The following DPAGT1 variants were observed in gnomAD, a reference collection of about 807,000 sequenced individuals.
DPAGT1 encodes the protein dolichyl-phosphate N-acetylglucosaminephosphotransferase 1.
A neutral mutation model predicts 39.3 loss-of-function variants in DPAGT1; 25 were observed. The observed-to-expected ratio is 0.64, with a 90% CI of 0.46 to 0.89. DPAGT1 has a LOEUF of 0.89. Among genes scored for constraint, DPAGT1 ranks in the 40% least tolerant of loss-of-function variants. The pLI is 0.00. For missense variants in DPAGT1, 381 were observed against 500.6 expected (o/e 0.76, Z 2.28); for synonymous variants, 193 against 201.4 (o/e 0.96, Z 0.36).
rs138544311 is a variant in DPAGT1, at chr11:119,097,475, A to C, written c.994T>G (p.Phe332Val). The C allele has an allele frequency of 1.9e-3, 3,133 of 1,614,186 alleles. 2 individuals carry two copies. Among genetic ancestry groups the C allele is most frequent in the Admixed American group, 2.5e-3 (153 of 60,024 alleles). The change falls in exon 7 of 9, where the codon TTT becomes GTT. Residue 332 changes from phenylalanine to valine, a missense_variant. By Grantham distance (50) the Phe-to-Val change is conservative. Transcript: ENST00000354202. This position sits in a 1 kb window ranked among gnomAD's most constrained non-coding sequence, Gnocchi z 4.6. ...KTKSLSFLGTFILKVAESLQL... is the reference protein window; with the variant it reads ...KTKSLSFLGTVILKVAESLQL... The stretch of plus-strand genomic sequence containing the variant: ...TGTTACCCTGTTACCTTTAAAATAA[A>C]GGTGCCCAAGAAAGAGAGGCTCTTG...
chr11:119,095,299 G>A (rs1390510899), downstream of DPAGT1: 2 of 1,612,314 alleles, frequency 1.2e-6, no homozygotes, highest in South Asian at 2.2e-5. Flanking sequence ...GCAGCAGCCG[G>A]TGTACACGGC....
At chr11:119,100,497 A>T in intron 3 of DPAGT1, 89 bp from the exon 4 acceptor site, 3 of 1,603,680 alleles carry the variant, frequency 1.9e-6, no homozygotes, top group Admixed American at 1.7e-5. Context: ...GACGGACGAT[A>T]GGATGAAGGG....
In DPAGT1 at chr11:119,097,253, A is replaced by G; in HGVS notation, c.1050T>C (p.Thr350=). 3 of 1,614,210 alleles carry G rather than the reference A, an allele frequency of 1.9e-6. No homozygotes were observed. Among genetic ancestry groups the G allele is most frequent in the Non-Finnish European group, 2.5e-6 (3 of 1,180,038 alleles). Residue 350 remains threonine (T), a synonymous_variant, in exon 8 of 9, where the codon ACT becomes ACC. Transcript: ENST00000354202. The surrounding 1 kb of genome is among the most constrained non-coding windows in gnomAD (Gnocchi z 4.6). The part of the protein sequence containing the change: ...LQLVTVHQSE[T]EDGEFTECNN... ...TACATTCAGTGAATTCACCATCTTC[A>G]GTCTCACTCTGGTGTACTGTCACCA...
Position 119,100,369 on chromosome 11 carries a change from A to C in DPAGT1, c.536T>G (p.Phe179Cys). 1 of 1,614,216 alleles carries C rather than the reference A, an allele frequency of 6.2e-7. No individual in the cohort carries two copies. Among genetic ancestry groups the C allele is most frequent in the Non-Finnish European group, 8.5e-7 (1 of 1,180,044 alleles). ...YYVYMGLLAV[F>C]CTNAINILAG... ...TAGGATATTGATGGCATTGGTACAG[A>C]ACACTGCCAGCAGCCCCATGTAGAC... is the stretch of plus-strand genomic sequence containing the variant. The change falls in exon 4 of 9, where the codon TTC becomes TGC. Residue 179 changes from phenylalanine (F) to cysteine (C), a missense_variant. Phe to Cys is a radical substitution (Grantham distance 205). Transcript: ENST00000354202.
intron 4 of DPAGT1, 83 bp downstream of exon 4, chr11:119,100,179 T>C: frequency 6.2e-7 from 1 of 1,601,624 alleles, no homozygotes; most frequent in Non-Finnish European, 8.5e-7. Context: ...TATTGCTTTT[T>C]TCCCCTGAAT....
At position 119,101,634 on chromosome 11, in the gene DPAGT1, G is replaced by A; in HGVS notation, c.22C>T (p.Pro8Ser). The A allele has an allele frequency of 6.2e-7, 1 of 1,614,272 alleles. No homozygotes were observed. The highest frequency in any genetic ancestry group is 8.5e-7 in the Non-Finnish European group (1 of 1,180,050). ...ATCAAATTGATCAGCAGCGGCATGG[G>A]CAATTCCGAGAAGGCCCACATGGTG... MWAFSEL[P>S]MPLLINLIVS... Residue 8 changes from proline (P) to serine (S), a missense_variant, in exon 1 of 9, where the codon CCC (proline) becomes TCC (serine). Transcript: ENST00000354202.
At chr11:119,095,652 G>T (rs191021870), downstream of DPAGT1, among the ~76,000 whole-genome samples, 1 of 152,320 alleles carries the variant, frequency 6.6e-6, no homozygotes, top group East Asian at 1.9e-4. Flanking sequence ...GGGGAGAAAA[G>T]GCGAGGAGGA....
Position 119,096,853 on chromosome 11 carries a change from G to T in DPAGT1, c.*145C>A. ...CGCCCAGGATGCCAATGATCACAGA[G>T]AAAGGAAAATGCTGAGAACAAAATC... is the stretch of plus-strand genomic sequence containing the variant. On this transcript the variant is annotated 3_prime_UTR_variant, in exon 9 of 9. Transcript: ENST00000354202. The T allele has an allele frequency of 1.0e-6, 1 of 988,586 alleles. No homozygotes were observed. The highest frequency in any genetic ancestry group is 1.6e-5 in the African/African-American group (1 of 61,856). 61.2% of individuals were successfully genotyped at this position (988,586 alleles called of 1,614,324 possible).
chr11:119,098,362 T>C (rs770733629), intron 5 of DPAGT1, 41 bp downstream of exon 5: 14 of 1,592,750 alleles, frequency 8.8e-6, no homozygotes, highest in Non-Finnish European at 1.2e-5. Flanking sequence ...ATCTTTGCCA[T>C]GTGTTCAGGT....
intron 1 of DPAGT1, 157 bp downstream of exon 1, chr11:119,101,338 A>G (rs1946501905): frequency 2.0e-6 from 3 of 1,475,088 alleles, no homozygotes; most frequent in African/African-American, 1.4e-5. Flanking sequence ...CCTTTCCCCA[A>G]TGCGAGTAAG....
chr11:119,101,188 T>C, intron 1 of DPAGT1, 50 bp from the exon 2 acceptor site: 1 of 1,611,950 alleles, frequency 6.2e-7, no homozygotes, highest in Admixed American at 1.7e-5. Flanking sequence ...GGGGGCGTGG[T>C]CACTCACTAG....
intron 4 of DPAGT1, among the ~76,000 whole-genome samples, chr11:119,099,660 A>C (rs1946458431): frequency 6.6e-6 from 1 of 151,624 alleles, no homozygotes; most frequent in Middle Eastern, 3.4e-3. Context: ...GTGGTGGCAC[A>C]TGCCTGTAGC....
At chr11:119,094,655 GC>G (rs1398944414), downstream of DPAGT1, 1 of 235,888 alleles carries the variant, frequency 4.2e-6, no homozygotes, top group East Asian at 8.3e-5. Context: ...GGTCTTCCGC[GC>G]CACGGAGGTC....
chr11:119,095,205 G>T, downstream of DPAGT1: 1 of 1,614,002 alleles, frequency 6.2e-7, no homozygotes. Flanking sequence ...GCCAGCTCCA[G>T]GATCTCAGCG....
chr11:119,100,673 C>A lies in DPAGT1; in HGVS notation c.453G>T (p.Val151=). The change falls in exon 3 of 9, where the codon GTG becomes GTT. Residue 151 remains valine, a synonymous_variant. Transcript: ENST00000354202. Reference sequence around the variant, plus strand: ...CAAGTATCGGGCGGAAGGGCTTGGGCACCACAATGGTCGTGTTGCCAAAGT... The same window carrying A: ...CAAGTATCGGGCGGAAGGGCTTGGGAACCACAATGGTCGTGTTGCCAAAGT... The part of the protein sequence containing the change: ...FTNFGNTTIV[V]PKPFRPILGL... 1 of 1,614,130 alleles carries A rather than the reference C, an allele frequency of 6.2e-7. No homozygotes were observed. The highest frequency in any genetic ancestry group is 8.5e-7 in the Non-Finnish European group (1 of 1,180,012).
chr11:119,094,799 G>C (rs1434435929), downstream of DPAGT1: 5 of 741,636 alleles, frequency 6.7e-6, no homozygotes, highest in South Asian at 2.0e-5. Context: ...ACTCGAGGCC[G>C]GGCGGCGAAG....
At position 119,097,374 on chromosome 11, in the gene DPAGT1, G is replaced by A. The variant is rs141849365; in HGVS notation, c.1006-77C>T. Reference sequence around the variant, plus strand: ...ATGTGGATCTATTTAATGCTTTCAAGTTCCCCTTGGATCTGATGTAGGACT... The same window carrying A: ...ATGTGGATCTATTTAATGCTTTCAAATTCCCCTTGGATCTGATGTAGGACT... On this transcript the variant is annotated intron_variant, in intron 7 of 8. Transcript: ENST00000354202. The surrounding 1 kb of genome is among the most constrained non-coding windows in gnomAD (Gnocchi z 4.6). The A allele has an allele frequency of 8.7e-5, 140 of 1,612,970 alleles. No homozygotes were observed. The highest frequency in any genetic ancestry group is 1.8e-4 in the Admixed American group (11 of 60,016).
rs1946476903 is a variant in DPAGT1 at position 119,100,419 on chromosome 11, A to G, written c.497-11T>C. 3 of 1,613,944 alleles carry G rather than the reference A, an allele frequency of 1.9e-6. No individual in the cohort carries two copies. The highest frequency in any genetic ancestry group is 2.5e-6 in the Non-Finnish European group (3 of 1,180,022). ...CATAGTACAGGATTCCTGCGGGGAG[A>G]GATGGTAGGAAAAGAAGTAGTGCCA... On this transcript the variant is annotated splice_polypyrimidine_tract_variant and intron_variant, in intron 3 of 8. Coordinates refer to ENST00000354202, the MANE Select transcript of DPAGT1 (RefSeq NM_001382.4).
chr11:119,099,515 T>C (rs1946456601), intron 4 of DPAGT1, among the ~76,000 whole-genome samples: 1 of 151,212 alleles, frequency 6.6e-6, no homozygotes, highest in African/African-American at 2.4e-5. Context: ...AGGAACTGGC[T>C]GGGCACAGTG....
Sources: allele counts gnomAD v4.1 joint callset (sites outside exome capture counted in the v4.1 genomes callset), GRCh38; gene constraint gnomAD v4.1.1; non-coding constraint Gnocchi (gnomAD v3.1); transcripts MANE v1.5; gene names NCBI Gene and HGNC (gene_info 2026-07-23, HGNC 2026-07-21).